CDYL: variants seen among roughly 807,000 people sequenced by gnomAD.
The protein encoded by CDYL is chromodomain Y like.
A neutral mutation model predicts 47.3 loss-of-function variants in CDYL; 8 were observed. That is an observed-to-expected ratio of 0.17 (90% CI 0.10 to 0.31). The LOEUF is 0.31. Among genes scored for constraint, CDYL ranks in the 10% least tolerant of loss-of-function variants. The probability of loss-of-function intolerance (pLI) is 1.00; values close to 1 mark genes in which losing one functional copy is unlikely to be tolerated. For missense variants in CDYL, 471 were observed against 701.4 expected, an observed-to-expected ratio of 0.67 and a Z score of 3.71; for synonymous variants, 266 against 265.0, an observed-to-expected ratio of 1.00 and a Z score of -0.04.
intron 1 of CDYL, among the ~76,000 whole-genome samples, chr6:4,879,062 A>T (rs967672843): frequency 6.6e-6 from 1 of 152,122 alleles, no homozygotes; most frequent in African/African-American, 2.4e-5. Flanking sequence ...AACCTGTAAG[A>T]TATTCCATTC....
chr6:4,724,806 A>T (rs1057481104), intron 2 of CDYL: 1 of 152,204 alleles, frequency 6.6e-6, no homozygotes, highest in African/African-American at 2.4e-5. Flanking sequence ...GGACTCAAAG[A>T]ATTAGCAGCA....
At chr6:4,765,226 G>C (rs1758234293) in intron 3 of CDYL, among the ~76,000 whole-genome samples, 1 of 152,026 alleles carries the variant, frequency 6.6e-6, no homozygotes, top group Non-Finnish European at 1.5e-5. Context: ...GGGAGGCTGA[G>C]GCATGAGAAT....
chr6:4,800,869 A>G (rs1759207573), intron 1 of CDYL, among the ~76,000 whole-genome samples: 1 of 152,074 alleles, frequency 6.6e-6, no homozygotes, highest in African/African-American at 2.4e-5. Flanking sequence ...GATTTTGTTT[A>G]TCCTTGGCTT....
chr6:4,859,345 C>G (rs566496949), intron 1 of CDYL, among the ~76,000 whole-genome samples: 1 of 151,892 alleles, frequency 6.6e-6, no homozygotes, highest in Non-Finnish European at 1.5e-5. Flanking sequence ...GGATTACTTG[C>G]CATTGTGTAG....
chr6:4,869,910 G>A lies in CDYL; in HGVS notation c.25-21803G>A, dbSNP rs549127108. Among the ~76,000 whole-genome samples, 426 of 152,084 alleles carry A rather than the reference G, an allele frequency of 2.8e-3. 2 individuals are homozygous for A. Among genetic ancestry groups the A allele is most frequent in the African/African-American group, 9.8e-3 (404 of 41,408 alleles). On this transcript the variant is annotated intron_variant, in intron 1 of 6. Coordinates refer to ENST00000397588, the MANE Select transcript of CDYL (RefSeq NM_004824.4). ...TATTTCCCATTTCCAGTGCTTTACC[G>A]TTCTTCCCATGGTTTTGCATTACTG...
At chr6:4,933,054 T>C (rs1758077424) in intron 2 of CDYL, among the ~76,000 whole-genome samples, 1 of 152,216 alleles carries the variant, frequency 6.6e-6, no homozygotes. Context: ...CTCACTGCTG[T>C]GGCCTGCTCT....
chr6:4,925,754 G>A (rs577835258), intron 2 of CDYL, among the ~76,000 whole-genome samples: 7 of 152,236 alleles, frequency 4.6e-5, no homozygotes, highest in East Asian at 3.9e-4. Context: ...GAGAGTGGAC[G>A]AGTCCAGGAC....
intron 3 of CDYL, among the ~76,000 whole-genome samples, chr6:4,767,295 C>T (rs943666985): frequency 1.7e-4 from 26 of 151,002 alleles, no homozygotes; most frequent in African/African-American, 6.3e-4. Context: ...AGGATGGAGA[C>T]TGGGCGCAGT....
intron 1 of CDYL, among the ~76,000 whole-genome samples, chr6:4,711,620 G>T (rs76484896): frequency 1.3e-5 from 2 of 152,268 alleles, no homozygotes; most frequent in Admixed American, 6.5e-5. Context: ...TGTGAGGGAG[G>T]GGGGAGGAGG....
intron 3 of CDYL, among the ~76,000 whole-genome samples, chr6:4,735,600 C>A (rs4960038): frequency 0.55 from 83,384 of 151,456 alleles, 24,147 homozygotes; most frequent in South Asian, 0.69. Flanking sequence ...CCCATCTCTA[C>A]TAAAAATACA....
chr6:4,715,875 A>C lies in CDYL; in HGVS notation c.97A>C (p.Asn33His), dbSNP rs542544380. The change falls in exon 2 of 9, where the codon AAC becomes CAC. Residue 33 changes from asparagine (N) to histidine (H), a missense_variant. Asn to His is a moderately conservative substitution (Grantham distance 68). Transcript: ENST00000328908. ...AACCCAAAAGTTATTCCTGAAGAGA[A>C]ACAACGGTAAGAACTTGCAGGAATC... is the stretch of plus-strand genomic sequence containing the variant. The C allele has an allele frequency of 1.7e-5, 28 of 1,613,816 alleles. No homozygotes were observed. In the African/African-American group the frequency reaches 3.5e-4, roughly 20 times the overall value.
intron 1 of CDYL, among the ~76,000 whole-genome samples, chr6:4,786,423 G>T (rs528288775): frequency 6.6e-6 from 1 of 152,244 alleles, no homozygotes; most frequent in Non-Finnish European, 1.5e-5. Context: ...AAGCAGAGAC[G>T]GACTGTGTTA....
At chr6:4,826,026 A>C (rs926385199) in intron 1 of CDYL, among the ~76,000 whole-genome samples, 6 of 152,072 alleles carry the variant, frequency 3.9e-5, no homozygotes, top group Non-Finnish European at 2.9e-5. Context: ...TTAAATCTCA[A>C]CTCTGGCACC....
upstream of CDYL, among the ~76,000 whole-genome samples, chr6:4,776,264 A>T (rs1252530052): frequency 2.9e-5 from 4 of 138,458 alleles, no homozygotes; most frequent in Non-Finnish European, 4.8e-5. Flanking sequence ...AGCGGAGCCC[A>T]CTGCTCCCCT....
intron 2 of CDYL, among the ~76,000 whole-genome samples, chr6:4,915,547 G>T (rs985772725): frequency 6.6e-6 from 1 of 152,134 alleles, no homozygotes; most frequent in Admixed American, 6.5e-5. Context: ...AGACACAACT[G>T]ACTAGCATTA....
At chr6:4,838,346 A>G (rs1218596471) in intron 1 of CDYL, among the ~76,000 whole-genome samples, 2 of 150,760 alleles carry the variant, frequency 1.3e-5, no homozygotes, top group Non-Finnish European at 2.9e-5. Flanking sequence ...CCATTGTATC[A>G]TTATGCCTTT....
chr6:4,894,853 GTGTATA>G lies in CDYL; in HGVS notation c.691+2478_691+2483del, dbSNP rs1437325631. Among the ~76,000 whole-genome samples the G allele has an allele frequency of 1.5e-3, 135 of 91,426 alleles. 1 individual carries two copies. The highest frequency in any genetic ancestry group is 5.1e-3 in the African/African-American group (133 of 26,088). 60.0% of individuals were successfully genotyped at this position (91,426 alleles called of 152,430 possible). A position where few individuals can be genotyped will look rare whatever the true frequency, so the allele number is the denominator to read the frequency against. Reference sequence around the variant, plus strand: ...AAAAGTCGTGTGTGTGTGTGTGTGTGTGTATATGTGTATATACACACATGTGTATGT... The same window carrying G: ...AAAAGTCGTGTGTGTGTGTGTGTGTGTGTGTATATACACACATGTGTATGT... On this transcript the variant is annotated intron_variant, in intron 2 of 6. Transcript: ENST00000397588.
intron 1 of CDYL, among the ~76,000 whole-genome samples, chr6:4,828,655 C>A (rs1428490765): frequency 1.3e-5 from 2 of 152,056 alleles, no homozygotes; most frequent in Non-Finnish European, 2.9e-5. Flanking sequence ...TAAATCATGT[C>A]TTTCTTCAGA....
intron 1 of CDYL, among the ~76,000 whole-genome samples, chr6:4,715,189 C>T (rs998669018): frequency 6.6e-6 from 1 of 152,174 alleles, no homozygotes; most frequent in Non-Finnish European, 1.5e-5. Context: ...TCCTTGTCTC[C>T]ATTAAAGCAT....
Sources: gnomAD v4.1 joint callset for allele counts (sites outside exome capture counted in the v4.1 genomes callset) on GRCh38, gnomAD v4.1.1 for gene constraint, MANE v1.5 for transcripts, NCBI Gene and HGNC (gene_info 2026-07-23, HGNC 2026-07-21) for gene names.